Variants in RABGAP1 observed in about 807,000 individuals in gnomAD.
RABGAP1 encodes the protein RAB GTPase activating protein 1.
Under a neutral mutation model 137.6 loss-of-function variants are expected in RABGAP1, and 23 were observed. The observed-to-expected ratio is 0.17, with a 90% CI of 0.12 to 0.24. The LOEUF (loss-of-function observed/expected upper bound fraction) is 0.24. RABGAP1 is among the 10% of genes least tolerant of loss of function. The probability of loss-of-function intolerance (pLI) is 1.00; values close to 1 mark genes in which losing one functional copy is unlikely to be tolerated. For missense variants in RABGAP1, 906 were observed against 1,275.8 expected (o/e 0.71, Z 4.42); for synonymous variants, 451 against 450.7 (o/e 1.00, Z -0.01).
intron 2 of RABGAP1, among the ~76,000 whole-genome samples, chr9:122,965,607 C>A (rs1473620899): frequency 3.3e-5 from 5 of 152,190 alleles, no homozygotes; most frequent in Non-Finnish European, 1.5e-5. Flanking sequence ...TGGTCTCGAA[C>A]TCCTGACCTC....
chr9:123,025,538 C>CTTTT, intron 13 of RABGAP1, among the ~76,000 whole-genome samples: 1 of 24,964 alleles, frequency 4.0e-5, no homozygotes, highest in African/African-American at 9.0e-5. Flanking sequence ...TCAGATCTTT[C>CTTTT]TTTTCTTTTT....
intron 2 of RABGAP1, among the ~76,000 whole-genome samples, chr9:122,965,133 G>T (rs567990457): frequency 1.3e-5 from 2 of 152,248 alleles, no homozygotes; most frequent in African/African-American, 4.8e-5. Flanking sequence ...ACAAAATGTA[G>T]TATACAATGG....
At chr9:123,019,595 G>A (rs1319554863) in intron 12 of RABGAP1, among the ~76,000 whole-genome samples, 1 of 152,152 alleles carries the variant, frequency 6.6e-6, no homozygotes, top group Non-Finnish European at 1.5e-5. Flanking sequence ...AACTACATGA[G>A]TCACCATGCC....
At chr9:123,040,972 T>A (rs1187595474) in intron 13 of RABGAP1, among the ~76,000 whole-genome samples, 2 of 152,166 alleles carry the variant, frequency 1.3e-5, no homozygotes, top group Non-Finnish European at 2.9e-5. Flanking sequence ...GACTTCATGC[T>A]TCCTAATCCG....
intron 2 of RABGAP1, among the ~76,000 whole-genome samples, chr9:122,979,104 C>A (rs958866195): frequency 7.9e-5 from 12 of 152,046 alleles, no homozygotes; most frequent in Admixed American, 5.9e-4. Context: ...CACCATGTTG[C>A]CCAGGCTAGT....
chr9:122,948,199 CT>C (rs1834043302), intron 1 of RABGAP1, among the ~76,000 whole-genome samples: 1 of 152,132 alleles, frequency 6.6e-6, no homozygotes, highest in African/African-American at 2.4e-5. Flanking sequence ...AGACTTGATT[CT>C]TTTGTTGCAT....
chr9:122,943,241 G>A (rs1309709288), intron 1 of RABGAP1, among the ~76,000 whole-genome samples: 1 of 151,694 alleles, frequency 6.6e-6, no homozygotes, highest in Non-Finnish European at 1.5e-5. Flanking sequence ...CTAATTTTTT[G>A]TATTTTTACT....
chr9:123,072,316 GT>G (rs1435774378), intron 15 of RABGAP1, among the ~76,000 whole-genome samples: 1 of 152,142 alleles, frequency 6.6e-6, no homozygotes, highest in Non-Finnish European at 1.5e-5. Flanking sequence ...GTTGCTATTG[GT>G]AGTCATGTAA....
chr9:122,973,739 G>T (rs1017174718), intron 2 of RABGAP1, among the ~76,000 whole-genome samples: 3 of 152,006 alleles, frequency 2.0e-5, no homozygotes, highest in African/African-American at 7.2e-5. Context: ...GCTGGACGTG[G>T]TGGCTCACGC....
intron 13 of RABGAP1, among the ~76,000 whole-genome samples, chr9:123,030,082 A>G (rs867623564): frequency 2.0e-5 from 3 of 152,184 alleles, no homozygotes; most frequent in Non-Finnish European, 2.9e-5. Context: ...GTTGAACCAT[A>G]TAGAAATTGG....
intron 19 of RABGAP1, 151 bp from the exon 20 acceptor site, chr9:123,089,607 T>C: frequency 3.2e-6 from 2 of 624,970 alleles, no homozygotes. Flanking sequence ...TATACCCTAC[T>C]CTGATGATTT....
intron 19 of RABGAP1, among the ~76,000 whole-genome samples, chr9:123,079,239 G>GTTTTTTTTTTTT (rs56098560): frequency 9.4e-6 from 1 of 106,676 alleles, no homozygotes; most frequent in African/African-American, 2.9e-5. Flanking sequence ...GTTTTGTTTT[G>GTTTTTTTTTTTT]TTTTTTTTTT....
At chr9:123,023,005 A>G (rs2031739671) in intron 13 of RABGAP1, among the ~76,000 whole-genome samples, 1 of 152,164 alleles carries the variant, frequency 6.6e-6, no homozygotes, top group African/African-American at 2.4e-5. Context: ...TTAAAAGTGC[A>G]TAGCTCCATG....
intron 1 of RABGAP1, among the ~76,000 whole-genome samples, chr9:122,947,250 T>C (rs1833993763): frequency 6.6e-6 from 1 of 152,176 alleles, no homozygotes; most frequent in South Asian, 2.1e-4. Flanking sequence ...ATGATAAATA[T>C]TGTGTAATTC....
At position 122,977,939 on chromosome 9, in the gene RABGAP1, A is replaced by C. The variant is rs76567058; in HGVS notation, c.151-6546A>C. Among the ~76,000 whole-genome samples the C allele has an allele frequency of 3.2e-3, 482 of 152,252 alleles. 4 individuals carry two copies. The highest frequency in any genetic ancestry group is 0.011 in the African/African-American group (467 of 41,556). On this transcript the variant is annotated intron_variant, in intron 2 of 25. Coordinates refer to ENST00000373647, the MANE Select transcript of RABGAP1 (RefSeq NM_012197.4). ...CCTGGATGAGCACCTTTAGTAGGGT[A>C]CATAGAAAAAAAGGAACAGTTGTGT...
chr9:123,024,220 A>C (rs1439114076), intron 13 of RABGAP1, among the ~76,000 whole-genome samples: 1 of 152,188 alleles, frequency 6.6e-6, no homozygotes, highest in East Asian at 1.9e-4. Context: ...AGGGATCCAG[A>C]AGGGAAATAA....
intron 10 of RABGAP1, among the ~76,000 whole-genome samples, chr9:123,009,233 A>G (rs1056556775): frequency 2.0e-5 from 3 of 152,204 alleles, no homozygotes; most frequent in Non-Finnish European, 2.9e-5. Context: ...AATGTTTACT[A>G]TTTGGCTCTT....
At chr9:122,949,634 G>T (rs898371454) in intron 1 of RABGAP1, among the ~76,000 whole-genome samples, 41 of 148,392 alleles carry the variant, frequency 2.8e-4, no homozygotes, top group African/African-American at 7.5e-4. Flanking sequence ...GGCAGAGGTT[G>T]CAGTGAGCCA....
chr9:123,073,706 C>T (rs1016789506), intron 16 of RABGAP1, 29 bp downstream of exon 16: 3 of 1,612,286 alleles, frequency 1.9e-6, no homozygotes, highest in Admixed American at 1.7e-5. Context: ...TTGTGTTTGA[C>T]AAAAAGAGTA....
Sources: gnomAD v4.1 joint callset for allele counts (sites outside exome capture counted in the v4.1 genomes callset) on GRCh38, gnomAD v4.1.1 for gene constraint, MANE v1.5 for transcripts, NCBI Gene and HGNC (gene_info 2026-07-23, HGNC 2026-07-21) for gene names.